ATXN10: variants seen among roughly 807,000 people sequenced by gnomAD.
ATXN10 encodes the protein ataxin-10.
Under a neutral mutation model 52.9 loss-of-function variants are expected in ATXN10, and 28 were observed. That is an observed-to-expected ratio of 0.53 (90% CI 0.39 to 0.73). ATXN10 has a LOEUF of 0.73. Among genes scored for constraint, ATXN10 ranks in the 30% least tolerant of loss-of-function variants. The probability of loss-of-function intolerance (pLI) is 0.00; values close to 1 mark genes in which losing one functional copy is unlikely to be tolerated. For synonymous variants in ATXN10, 226 were observed against 221.5 expected (o/e 1.02, Z -0.18); for missense variants, 565 against 577.0 (o/e 0.98, Z 0.21).
At chr22:45,792,827 A>G in intron 9 of ATXN10, 1 of 532,024 alleles carries the variant, frequency 1.9e-6, no homozygotes, top group Non-Finnish European at 3.8e-6. Flanking sequence ...ATGAGGCCAA[A>G]AGAGTCATTG....
intron 10 of ATXN10, among the ~76,000 whole-genome samples, chr22:45,839,754 T>A (rs1199953070): frequency 3.3e-5 from 5 of 152,228 alleles, no homozygotes; most frequent in Non-Finnish European, 4.4e-5. Flanking sequence ...TTTGTTGTCA[T>A]GGACCTTTTA....
At chr22:45,693,118 T>A (rs1393517706) in intron 3 of ATXN10, 40 bp downstream of exon 3, 1 of 1,551,344 alleles carries the variant, frequency 6.4e-7, no homozygotes, top group South Asian at 1.1e-5. Flanking sequence ...TATATCTTTA[T>A]AAAGGGTTCA....
chr22:45,752,559 T>C (rs1304350032), intron 9 of ATXN10, among the ~76,000 whole-genome samples: 2 of 69,822 alleles, frequency 2.9e-5, no homozygotes, highest in Non-Finnish European at 5.3e-5. Flanking sequence ...GGGGTTGGGG[T>C]TGGGGTTGGG....
chr22:45,791,412 T>C (rs551331985), intron 9 of ATXN10, among the ~76,000 whole-genome samples: 2 of 152,320 alleles, frequency 1.3e-5, no homozygotes, highest in East Asian at 3.9e-4. Flanking sequence ...AAACTTTCCT[T>C]TACCTATGAC....
rs1929418254 is a variant in ATXN10 at position 45,843,597 on chromosome 22, T to C, written c.1426-72T>C. ...CCACTGACCAAAGTTCTGGGTTTTT[T>C]CCCCTTTTGTCTGATGAATCTTGTG... is the stretch of plus-strand genomic sequence containing the variant. On this transcript the variant is annotated intron_variant, in intron 11 of 11. Coordinates refer to ENST00000252934, the MANE Select transcript of ATXN10 (RefSeq NM_013236.4). This position sits in a 1 kb window ranked among gnomAD's most constrained non-coding sequence, Gnocchi z 4.5. 2.7e-6 allele frequency: 4 copies of C among 1,498,146 alleles called. No homozygotes were observed. The highest frequency in any genetic ancestry group is 3.7e-6 in the Non-Finnish European group (4 of 1,079,420). 92.8% of individuals were successfully genotyped at this position (1,498,146 alleles called of 1,614,324 possible). A position where few individuals can be genotyped will look rare whatever the true frequency, so the allele number is the denominator to read the frequency against.
intron 6 of ATXN10, among the ~76,000 whole-genome samples, chr22:45,719,038 CGT>C (rs966477981): frequency 6.7e-6 from 1 of 149,978 alleles, no homozygotes; most frequent in Non-Finnish European, 1.5e-5. Context: ...GATTCAGGTT[CGT>C]GTGTGTGTGT....
At chr22:45,814,423 A>G (rs1928390219) in intron 10 of ATXN10, among the ~76,000 whole-genome samples, 1 of 152,208 alleles carries the variant, frequency 6.6e-6, no homozygotes, top group African/African-American at 2.4e-5. Context: ...ACAAGTAACC[A>G]CTAGACCCCA....
chr22:45,806,368 C>T (rs1279591059), intron 9 of ATXN10, among the ~76,000 whole-genome samples: 1 of 152,068 alleles, frequency 6.6e-6, no homozygotes, highest in African/African-American at 2.4e-5. Flanking sequence ...TTTCATGTAT[C>T]TCACCTGTTT....
intron 9 of ATXN10, among the ~76,000 whole-genome samples, chr22:45,803,857 A>C (rs9306480): frequency 0.011 from 1,695 of 151,850 alleles, 38 homozygotes; most frequent in African/African-American, 0.039. Flanking sequence ...GTCATTACCA[A>C]CTTGGCCATA....
At chr22:45,829,672 G>A (rs1266285950) in intron 10 of ATXN10, among the ~76,000 whole-genome samples, 1 of 152,116 alleles carries the variant, frequency 6.6e-6, no homozygotes, top group East Asian at 1.9e-4. Flanking sequence ...ACTTACTCAA[G>A]GAGGTGAAAG....
Position 45,671,906 on chromosome 22 carries a change from G to A in ATXN10, c.-158G>A, listed in dbSNP as rs1601579990. The A allele has an allele frequency of 3.8e-6, 3 of 785,882 alleles. No individual in the cohort carries two copies. Among genetic ancestry groups the A allele is most frequent in the Admixed American group, 2.8e-5 (1 of 35,160 alleles). 48.7% of individuals were successfully genotyped at this position (785,882 alleles called of 1,614,324 possible). On this transcript the variant is annotated 5_prime_UTR_variant, in exon 1 of 12. Coordinates refer to ENST00000252934, the MANE Select transcript of ATXN10 (RefSeq NM_013236.4). ...TCTCCGGCGGCGGCGCAGCTTCAGG[G>A]CAGCGCGGGCTGCAGCGGCGGCGGC...
intron 7 of ATXN10, among the ~76,000 whole-genome samples, chr22:45,730,461 C>A (rs1480397444): frequency 6.6e-6 from 1 of 152,060 alleles, no homozygotes; most frequent in East Asian, 1.9e-4. Flanking sequence ...TGAGACAAAG[C>A]CTTGCTCTGT....
At chr22:45,723,785 G>A (rs767444743) in intron 6 of ATXN10, among the ~76,000 whole-genome samples, 1 of 151,886 alleles carries the variant, frequency 6.6e-6, no homozygotes. Context: ...GAGAAACCCC[G>A]TCTCTACTAA....
chr22:45,781,850 C>T lies in ATXN10; in HGVS notation c.1174-25109C>T, dbSNP rs1927159602. Among the ~76,000 whole-genome samples, 1 of 151,990 alleles carries T rather than the reference C, an allele frequency of 6.6e-6. No homozygotes were observed. Among genetic ancestry groups the T allele is most frequent in the Admixed American group, 6.6e-5 (1 of 15,250 alleles). On this transcript the variant is annotated intron_variant, in intron 9 of 11. Transcript: ENST00000252934. This position sits in a 1 kb window ranked among gnomAD's most constrained non-coding sequence, Gnocchi z 4.2. ...AAAGCCAAAACTCAGTGATTGGGTTCAGTGGCAGAATGGAGATGCTGGAAG... is the reference window on the plus strand; with the variant it reads ...AAAGCCAAAACTCAGTGATTGGGTTTAGTGGCAGAATGGAGATGCTGGAAG...
rs1162248565 is a variant in ATXN10, at chr22:45,806,809, T to A, written c.1174-150T>A. On this transcript the variant is annotated intron_variant, in intron 9 of 11. Transcript: ENST00000252934. ...ACTTTTTGTTTACATGTCTGTTTTA[T>A]GTAGTTCTGGGTTGATATAGATATT... The A allele has an allele frequency of 6.0e-6, 4 of 668,880 alleles. No individual in the cohort carries two copies. The East Asian group carries it at 1.1e-4, about 18-fold the overall frequency. 41.4% of individuals were successfully genotyped at this position (668,880 alleles called of 1,614,324 possible). A position where few individuals can be genotyped will look rare whatever the true frequency, so the allele number is the denominator to read the frequency against.
chr22:45,735,614 C>G (rs1236186249), intron 7 of ATXN10, among the ~76,000 whole-genome samples: 3 of 152,048 alleles, frequency 2.0e-5, no homozygotes, highest in African/African-American at 4.8e-5. Context: ...GCAGTCCAGG[C>G]AGATATAACT....
intron 4 of ATXN10, among the ~76,000 whole-genome samples, chr22:45,702,411 A>G (rs1923875168): frequency 6.6e-6 from 1 of 152,174 alleles, no homozygotes; most frequent in African/African-American, 2.4e-5. Flanking sequence ...TGTTTTATAA[A>G]TGTAATCATT....
rs1162983583 is a variant in ATXN10 at position 45,744,753 on chromosome 22, T to A, written c.1173+4215T>A. On this transcript the variant is annotated intron_variant, in intron 9 of 11. Coordinates refer to ENST00000252934, the MANE Select transcript of ATXN10 (RefSeq NM_013236.4). The surrounding 1 kb of genome is among the most constrained non-coding windows in gnomAD (Gnocchi z 4.9). The stretch of plus-strand genomic sequence containing the variant: ...GCACTGGACTGCCAGGAGCATGGTA[T>A]CAACTGGAAGGATGGTCATCTTTCT... 6.6e-6 allele frequency: 1 copy of A among 152,214 alleles called. No individual in the cohort carries two copies. The highest frequency in any genetic ancestry group is 1.5e-5 in the Non-Finnish European group (1 of 68,036). 9.4% of individuals were successfully genotyped at this position (152,214 alleles called of 1,614,324 possible). A position where few individuals can be genotyped will look rare whatever the true frequency, so the allele number is the denominator to read the frequency against.
chr22:45,743,834 A>G (rs1251896902), intron 9 of ATXN10, among the ~76,000 whole-genome samples: 2 of 152,218 alleles, frequency 1.3e-5, no homozygotes, highest in East Asian at 3.8e-4. Flanking sequence ...GAGGCCATCC[A>G]GTTAGGTGCA....
Sources: allele counts gnomAD v4.1 joint callset (sites outside exome capture counted in the v4.1 genomes callset), GRCh38; gene constraint gnomAD v4.1.1; non-coding constraint Gnocchi (gnomAD v3.1); transcripts MANE v1.5; gene names NCBI Gene and HGNC (gene_info 2026-07-23, HGNC 2026-07-21).